Variants in PTPRG observed in about 807,000 individuals in gnomAD.
PTPRG encodes the protein receptor-type tyrosine-protein phosphatase gamma.
In PTPRG, 102 loss-of-function variants were observed where a neutral mutation model predicts 165.3. The observed-to-expected ratio is 0.62, with a 90% CI of 0.53 to 0.73. PTPRG has a LOEUF of 0.73. PTPRG is among the 30% of genes least tolerant of loss of function. The pLI is 0.00. For missense variants in PTPRG, 1,866 were observed against 1,861.4 expected (o/e 1.00, Z -0.05); for synonymous variants, 675 against 669.5 (o/e 1.01, Z -0.13).
intron 8 of PTPRG, among the ~76,000 whole-genome samples, chr3:62,170,401 A>G (rs1705171404): frequency 6.6e-6 from 1 of 152,138 alleles, no homozygotes; most frequent in African/African-American, 2.4e-5. Context: ...TGAGTGCAAG[A>G]TCTGATAGCT....
chr3:61,628,326 AT>A, intron 1 of PTPRG, among the ~76,000 whole-genome samples: 1 of 151,152 alleles, frequency 6.6e-6, no homozygotes. Context: ...TTATATATTT[AT>A]TTTTTTTGAG....
At chr3:61,831,097 A>G (rs906806421) in intron 2 of PTPRG, among the ~76,000 whole-genome samples, 1 of 152,266 alleles carries the variant, frequency 6.6e-6, no homozygotes, top group Non-Finnish European at 1.5e-5. Flanking sequence ...TTTAGCTGCA[A>G]AATATATTCC....
intron 1 of PTPRG, among the ~76,000 whole-genome samples, chr3:61,734,929 G>A (rs1001560561): frequency 1.3e-5 from 2 of 152,136 alleles, no homozygotes; most frequent in Non-Finnish European, 2.9e-5. Context: ...TCATGAAACT[G>A]CTTTTCCGTC....
intron 2 of PTPRG, among the ~76,000 whole-genome samples, chr3:61,905,148 G>C (rs894314412): frequency 2.0e-5 from 3 of 152,164 alleles, no homozygotes; most frequent in African/African-American, 7.2e-5. Flanking sequence ...TATTCTGATA[G>C]TCTGACTGCT....
At chr3:62,017,708 G>A (rs2041587709) in intron 4 of PTPRG, among the ~76,000 whole-genome samples, 1 of 151,460 alleles carries the variant, frequency 6.6e-6, no homozygotes, top group African/African-American at 2.4e-5. Context: ...ACAGGCGTGA[G>A]CCACCGCGCC....
intron 1 of PTPRG, among the ~76,000 whole-genome samples, chr3:61,664,789 C>G (rs2107040423): frequency 6.6e-6 from 1 of 152,266 alleles, no homozygotes; most frequent in South Asian, 2.1e-4. Flanking sequence ...CGAGATCGCG[C>G]CATTGCACTC....
intron 5 of PTPRG, among the ~76,000 whole-genome samples, chr3:62,110,886 G>A (rs1166241399): frequency 6.6e-6 from 1 of 152,182 alleles, no homozygotes; most frequent in Non-Finnish European, 1.5e-5. Flanking sequence ...TTGAAATGGT[G>A]TCTGAATATG....
At chr3:61,938,001 T>C (rs2039521544) in intron 2 of PTPRG, among the ~76,000 whole-genome samples, 1 of 152,004 alleles carries the variant, frequency 6.6e-6, no homozygotes, top group Non-Finnish European at 1.5e-5. Context: ...GTGCTTTTAT[T>C]GGAATTTAAA....
chr3:62,124,131 T>C (rs1263399907), intron 5 of PTPRG: 7 of 596,918 alleles, frequency 1.2e-5, no homozygotes, highest in African/African-American at 9.2e-5. Context: ...GAAAAATAAG[T>C]TCAGCGCTTA....
chr3:61,655,658 C>T (rs1045639668), intron 1 of PTPRG, among the ~76,000 whole-genome samples: 2 of 152,080 alleles, frequency 1.3e-5, no homozygotes, highest in Non-Finnish European at 2.9e-5. Context: ...AGTGTGGTGG[C>T]AGGATCACGG....
At chr3:61,711,406 A>G (rs764397560) in intron 1 of PTPRG, among the ~76,000 whole-genome samples, 1 of 152,086 alleles carries the variant, frequency 6.6e-6, no homozygotes, top group African/African-American at 2.4e-5. Flanking sequence ...AAGTGTTCCT[A>G]TTTCTCCATA....
chr3:61,656,521 A>G (rs182686952), intron 1 of PTPRG, among the ~76,000 whole-genome samples: 48 of 152,356 alleles, frequency 3.2e-4, no homozygotes, highest in African/African-American at 1.1e-3. Context: ...ACCAGTGCCA[A>G]TTACTTGGTA....
At chr3:62,231,682 T>G (rs1484077246) in intron 14 of PTPRG, among the ~76,000 whole-genome samples, 1 of 152,132 alleles carries the variant, frequency 6.6e-6, no homozygotes, top group Non-Finnish European at 1.5e-5. Context: ...AAACATATAA[T>G]GCATGCATAT....
intron 14 of PTPRG, among the ~76,000 whole-genome samples, chr3:62,242,826 T>C (rs1701193717): frequency 1.3e-5 from 2 of 152,084 alleles, no homozygotes; most frequent in Non-Finnish European, 2.9e-5. Context: ...AGCAAAGCTG[T>C]AATGTGTGTA....
chr3:61,652,737 C>G (rs1006451592), intron 1 of PTPRG, among the ~76,000 whole-genome samples: 1 of 152,262 alleles, frequency 6.6e-6, no homozygotes. Context: ...CTCTTCTGTG[C>G]ATTGTAGGAT....
intron 1 of PTPRG, among the ~76,000 whole-genome samples, chr3:61,640,207 T>C (rs1702022909): frequency 6.6e-6 from 1 of 152,214 alleles, no homozygotes; most frequent in Admixed American, 6.5e-5. Flanking sequence ...GGTTTCCTGA[T>C]TGAGTGCTTT....
chr3:61,840,554 G>A (rs1383007425), intron 2 of PTPRG, among the ~76,000 whole-genome samples: 3 of 152,078 alleles, frequency 2.0e-5, no homozygotes, highest in South Asian at 2.1e-4. Flanking sequence ...ATTGTGTAAT[G>A]ATTTCTTGCT....
chr3:61,931,894 C>T (rs749416479), intron 2 of PTPRG, among the ~76,000 whole-genome samples: 3 of 152,188 alleles, frequency 2.0e-5, no homozygotes, highest in Non-Finnish European at 4.4e-5. Flanking sequence ...GCTCCAAAGC[C>T]AGACCTTTGG....
At chr3:61,737,197 T>G (rs1360549038) in intron 1 of PTPRG, among the ~76,000 whole-genome samples, 1 of 152,188 alleles carries the variant, frequency 6.6e-6, no homozygotes, top group East Asian at 1.9e-4. Context: ...CTCCTCTCTC[T>G]CTCTAAGTAC....
Sources: gnomAD v4.1 joint callset for allele counts (sites outside exome capture counted in the v4.1 genomes callset) on GRCh38, gnomAD v4.1.1 for gene constraint, MANE v1.5 for transcripts, NCBI Gene and HGNC (gene_info 2026-07-23, HGNC 2026-07-21) for gene names.